PRSS55: variants seen among roughly 807,000 people sequenced by gnomAD.
PRSS55 encodes the protein probable serine protease UNQ9391/PRO34284.
Under a neutral mutation model 23.6 loss-of-function variants are expected in PRSS55, and 41 were observed. The ratio of observed to expected loss-of-function variants is 1.74; its 90% CI spans 1.35 to 2.26. The LOEUF (loss-of-function observed/expected upper bound fraction) is 2.26. Among genes scored for constraint, PRSS55 ranks in the 30% most tolerant of loss-of-function variants. The probability of loss-of-function intolerance (pLI) is 0.00; values close to 1 mark genes in which losing one functional copy is unlikely to be tolerated. For missense variants in PRSS55, 669 were observed against 439.1 expected, an observed-to-expected ratio of 1.52 and a Z score of -4.68; for synonymous variants, 262 against 175.5, an observed-to-expected ratio of 1.49 and a Z score of -3.90.
At chr8:10,547,685 TC>T (rs1310793306) in intron 4 of PRSS55, 1 of 150,646 alleles carries the variant, frequency 6.6e-6, no homozygotes, top group Non-Finnish European at 1.5e-5. Context: ...TCCTTTTTCC[TC>T]CTTTTCTTTC....
rs143309479 is a variant in PRSS55, at chr8:10,528,408, C to T, written c.155-1099C>T. On this transcript the variant is annotated intron_variant, in intron 1 of 4. Transcript: ENST00000328655. ...AGCAAGAAAGAGACAAGATTAGGGT[C>T]TTGGGCTTTTTAGAGTCAAACTCAT... Among the ~76,000 whole-genome samples the T allele has an allele frequency of 1.6e-3, 239 of 152,272 alleles. 1 individual carries two copies. The highest frequency in any genetic ancestry group is 0.015 in the East Asian group (76 of 5,190).
At chr8:10,552,292 G>C (rs1451901459) in intron 4 of PRSS55, among the ~76,000 whole-genome samples, 1 of 152,164 alleles carries the variant, frequency 6.6e-6, no homozygotes, top group Non-Finnish European at 1.5e-5. Flanking sequence ...GTTAATCATG[G>C]CAAAGCTACG....
chr8:10,548,513 G>C (rs564447325), intron 4 of PRSS55, among the ~76,000 whole-genome samples: 26 of 152,276 alleles, frequency 1.7e-4, no homozygotes, highest in African/African-American at 6.3e-4. Context: ...GCTGCACTGG[G>C]TCCTGGGAGC....
At chr8:10,545,664 T>C (rs1812798536) in intron 4 of PRSS55, among the ~76,000 whole-genome samples, 2 of 152,192 alleles carry the variant, frequency 1.3e-5, no homozygotes, top group African/African-American at 4.8e-5. Context: ...CACATTAGAA[T>C]ATGCATTGGA....
At chr8:10,534,931 G>C (rs962087797) in intron 4 of PRSS55, among the ~76,000 whole-genome samples, 1 of 152,112 alleles carries the variant, frequency 6.6e-6, no homozygotes, top group Non-Finnish European at 1.5e-5. Flanking sequence ...CAACACACAA[G>C]CTGAGAGCCA....
At chr8:10,535,744 A>G (rs12549246) in intron 4 of PRSS55, among the ~76,000 whole-genome samples, 58,584 of 152,152 alleles carry the variant, frequency 0.39, 11,399 homozygotes, top group South Asian at 0.46. Flanking sequence ...GCATCTGCAC[A>G]GCTAAGGAAA....
chr8:10,554,150 T>C (rs1189077488), exon 5 of PRSS55: 8 of 583,596 alleles, frequency 1.4e-5, no homozygotes, highest in African/African-American at 1.9e-5. Context: ...AAAAAATGAA[T>C]AAAAGCCTCC....
At chr8:10,552,988 A>G (rs902770774) in intron 4 of PRSS55, among the ~76,000 whole-genome samples, 1 of 152,272 alleles carries the variant, frequency 6.6e-6, no homozygotes, top group African/African-American at 2.4e-5. Flanking sequence ...ATTATTCATA[A>G]TAGCCAAGAC....
rs569784070 is a variant in PRSS55 at position 10,525,557 on chromosome 8, C to T, written c.-29C>T. On this transcript the variant is annotated 5_prime_UTR_variant, in exon 1 of 5. Coordinates refer to ENST00000328655, the MANE Select transcript of PRSS55 (RefSeq NM_198464.4). Reference sequence around the variant, plus strand: ...ACTGCCTCAGCCCTGGCCTCTGTCACCCCCGGGCCCACAGCACAGCCCAGG... The same window carrying T: ...ACTGCCTCAGCCCTGGCCTCTGTCATCCCCGGGCCCACAGCACAGCCCAGG... The T allele has an allele frequency of 4.4e-6, 7 of 1,601,820 alleles. No homozygotes were observed. Among genetic ancestry groups the T allele is most frequent in the Admixed American group, 3.4e-5 (2 of 59,538 alleles).
chr8:10,544,946 T>C (rs977552524), intron 4 of PRSS55: 3 of 902,166 alleles, frequency 3.3e-6, no homozygotes, highest in Non-Finnish European at 4.0e-6. Context: ...TATGTATTTA[T>C]AGAATTTTTA....
At chr8:10,549,249 C>T (rs1168997393) in intron 4 of PRSS55, among the ~76,000 whole-genome samples, 4 of 152,158 alleles carry the variant, frequency 2.6e-5, no homozygotes, top group Non-Finnish European at 5.9e-5. Flanking sequence ...CTGCAGCGGC[C>T]ATGGCCGCGG....
intron 4 of PRSS55, among the ~76,000 whole-genome samples, chr8:10,548,000 C>T (rs1294421862): frequency 6.6e-6 from 1 of 152,020 alleles, no homozygotes; most frequent in Non-Finnish European, 1.5e-5. Flanking sequence ...CCTTCCTACC[C>T]CAGGTCACAG....
At chr8:10,540,065 C>A (rs892281299), downstream of PRSS55, among the ~76,000 whole-genome samples, 1 of 152,210 alleles carries the variant, frequency 6.6e-6, no homozygotes, top group African/African-American at 2.4e-5. Context: ...CCTCTGCTTT[C>A]AGCTGACCTC....
chr8:10,551,447 G>T (rs1323650973), intron 4 of PRSS55, among the ~76,000 whole-genome samples: 1 of 152,210 alleles, frequency 6.6e-6, no homozygotes, highest in Non-Finnish European at 1.5e-5. Flanking sequence ...CTCGACCTCT[G>T]GTGGGGACGG....
intron 4 of PRSS55, among the ~76,000 whole-genome samples, chr8:10,553,696 T>G (rs565584844): frequency 3.9e-5 from 6 of 152,328 alleles, no homozygotes; most frequent in African/African-American, 1.4e-4. Context: ...GAAATAAATT[T>G]TGAAGATCTA....
intron 1 of PRSS55, among the ~76,000 whole-genome samples, chr8:10,528,687 CTGAAA>C (rs1484588807): frequency 2.0e-5 from 3 of 152,314 alleles, no homozygotes; most frequent in Non-Finnish European, 2.9e-5. Flanking sequence ...CTTAGGGCTG[CTGAAA>C]TGAATGACCA....
At chr8:10,542,906 C>A (rs1255912715), downstream of PRSS55, among the ~76,000 whole-genome samples, 1 of 144,372 alleles carries the variant, frequency 6.9e-6, no homozygotes, top group Non-Finnish European at 1.5e-5. Context: ...AAGACAACCT[C>A]TTGGAGGGAT....
In PRSS55 at chr8:10,533,030, G is replaced by C; in HGVS notation, c.723G>C (p.Glu241Asp). The C allele has an allele frequency of 4.3e-6, 7 of 1,614,200 alleles. No homozygotes were observed. Among genetic ancestry groups the C allele is most frequent in the Non-Finnish European group, 5.1e-6 (6 of 1,180,032 alleles). ...TGCTGTGTGCCGGATACAAGAATGA[G>C]AGCTATGATGCCTGCAAGGTAACTA... ...KNMLCAGYKN[E>D]SYDACKGDSG... The change falls in exon 4 of 5, where the codon GAG (glutamate) becomes GAC (aspartate). Residue 241 changes from glutamate (E) to aspartate (D), a missense_variant. By Grantham distance (45) the Glu-to-Asp change is conservative. Coordinates refer to ENST00000328655, the MANE Select transcript of PRSS55 (RefSeq NM_198464.4).
At chr8:10,551,593 G>C (rs1812951953) in intron 4 of PRSS55, among the ~76,000 whole-genome samples, 1 of 152,190 alleles carries the variant, frequency 6.6e-6, no homozygotes, top group African/African-American at 2.4e-5. Context: ...TGCGAGGTAG[G>C]GGCACCCCAC....
Sources: allele counts gnomAD v4.1 joint callset (sites outside exome capture counted in the v4.1 genomes callset), GRCh38; gene constraint gnomAD v4.1.1; transcripts MANE v1.5; gene names NCBI Gene and HGNC (gene_info 2026-07-23, HGNC 2026-07-21).